TMC1: variants seen among roughly 807,000 people sequenced by gnomAD.
TMC1 encodes the protein transmembrane channel-like protein 1.
Under a neutral mutation model 105.8 loss-of-function variants are expected in TMC1, and 84 were observed. That is an observed-to-expected ratio of 0.79 (90% CI 0.67 to 0.95). TMC1 has a LOEUF of 0.95. TMC1 is among the 40% of genes least tolerant of loss of function. The probability of loss-of-function intolerance (pLI) is 0.00; values close to 1 mark genes in which losing one functional copy is unlikely to be tolerated. For missense variants in TMC1, 817 were observed against 914.1 expected, an observed-to-expected ratio of 0.89 and a Z score of 1.37; for synonymous variants, 315 against 311.5, an observed-to-expected ratio of 1.01 and a Z score of -0.12.
chr9:72,817,366 G>A (rs1250252281), intron 19 of TMC1: 1 of 152,012 alleles, frequency 6.6e-6, no homozygotes. Context: ...GACTCACTAA[G>A]GAAGGAAATG....
In TMC1 at chr9:72,836,106, C is replaced by A; in HGVS notation, c.*133C>A. 2.9e-6 allele frequency: 3 copies of A among 1,043,334 alleles called. No individual in the cohort carries two copies. Among genetic ancestry groups the A allele is most frequent in the Non-Finnish European group, 4.5e-6 (3 of 673,034 alleles). 64.6% of individuals were successfully genotyped at this position (1,043,334 alleles called of 1,614,324 possible). On this transcript the variant is annotated 3_prime_UTR_variant, in exon 24 of 24. Coordinates refer to ENST00000297784, the MANE Select transcript of TMC1 (RefSeq NM_138691.3). ...TCTACCCTTGATGGATTTTCAAGGT[C>A]ATGCTGGCCAATTAAGGCATCATCA...
chr9:72,534,551 T>C (rs1301302558), intron 1 of TMC1, among the ~76,000 whole-genome samples: 3 of 152,230 alleles, frequency 2.0e-5, no homozygotes, highest in Admixed American at 6.5e-5. Flanking sequence ...TTATATAACT[T>C]CTAAAATTTG....
intron 6 of TMC1, among the ~76,000 whole-genome samples, chr9:72,689,749 G>A (rs1369244027): frequency 6.6e-6 from 1 of 152,084 alleles, no homozygotes; most frequent in Non-Finnish European, 1.5e-5. Flanking sequence ...TCCGATGTAA[G>A]TATAGCCACC....
At chr9:72,703,781 G>C (rs558384386) in intron 8 of TMC1, among the ~76,000 whole-genome samples, 1 of 152,312 alleles carries the variant, frequency 6.6e-6, no homozygotes, top group East Asian at 1.9e-4. Context: ...CTTCTCACAT[G>C]TCAGCAAGGC....
intron 8 of TMC1, among the ~76,000 whole-genome samples, chr9:72,723,761 C>T (rs75928316): frequency 0.095 from 14,436 of 152,134 alleles, 828 homozygotes; most frequent in Non-Finnish European, 0.14. Context: ...GCTAAATATA[C>T]TTTTGTCTAC....
At chr9:72,768,271 A>T (rs1415574429) in intron 12 of TMC1, among the ~76,000 whole-genome samples, 1 of 151,960 alleles carries the variant, frequency 6.6e-6, no homozygotes, top group Non-Finnish European at 1.5e-5. Context: ...GGAGTTGAAC[A>T]ATGAGAACGC....
At position 72,811,090 on chromosome 9, in the gene TMC1, A is replaced by C. The variant is rs1213049389; in HGVS notation, c.1696-5053A>C. ...TGTAATGCATGTATTTAACATATGA[A>C]AAATTGCATCTGTGAATTGAAATGA... On this transcript the variant is annotated intron_variant, in intron 18 of 23. Coordinates refer to ENST00000297784, the MANE Select transcript of TMC1 (RefSeq NM_138691.3). 2.6e-5 allele frequency among the ~76,000 whole-genome samples: 4 copies of C among 152,176 alleles called. No homozygotes were observed. In the East Asian group the frequency reaches 7.7e-4, roughly 29 times the overall value.
chr9:72,523,456 G>A (rs1352961953), intron 1 of TMC1, among the ~76,000 whole-genome samples: 3 of 152,082 alleles, frequency 2.0e-5, no homozygotes, highest in Non-Finnish European at 2.9e-5. Flanking sequence ...CACATATTTT[G>A]TATGTTTTAT....
chr9:72,715,147 C>G (rs546365253), intron 8 of TMC1, among the ~76,000 whole-genome samples: 2 of 152,294 alleles, frequency 1.3e-5, no homozygotes, highest in South Asian at 2.1e-4. Context: ...GTCTGATGGG[C>G]TTCCCTTTGT....
intron 5 of TMC1, among the ~76,000 whole-genome samples, chr9:72,687,950 A>AAAT (rs1283462658): frequency 1.3e-5 from 2 of 152,164 alleles, no homozygotes; most frequent in African/African-American, 4.8e-5. Context: ...CAAAAGAAAA[A>AAAT]AATATGCCAA....
chr9:72,522,777 ACTGT>A (rs1412933803), intron 1 of TMC1, among the ~76,000 whole-genome samples: 1 of 152,222 alleles, frequency 6.6e-6, no homozygotes, highest in Non-Finnish European at 1.5e-5. Flanking sequence ...GGCACTGGAC[ACTGT>A]CTGTGGAGCT....
chr9:72,758,169 G>T (rs1367699822), intron 12 of TMC1, among the ~76,000 whole-genome samples: 1 of 151,910 alleles, frequency 6.6e-6, no homozygotes, highest in African/African-American at 2.4e-5. Context: ...TTTTGTTTTG[G>T]CAATGATTAT....
chr9:72,544,174 C>T (rs746683351), intron 1 of TMC1, among the ~76,000 whole-genome samples: 7 of 152,034 alleles, frequency 4.6e-5, no homozygotes, highest in Admixed American at 6.6e-5. Flanking sequence ...TGGTCTCGAA[C>T]AGCTGAGCTT....
At chr9:72,807,639 C>A (rs1481119617) in intron 18 of TMC1, among the ~76,000 whole-genome samples, 1 of 152,144 alleles carries the variant, frequency 6.6e-6, no homozygotes, top group African/African-American at 2.4e-5. Flanking sequence ...CCTTTGAATT[C>A]TACTAAACTC....
chr9:72,704,753 T>C (rs1289070706), intron 8 of TMC1, among the ~76,000 whole-genome samples: 1 of 152,186 alleles, frequency 6.6e-6, no homozygotes, highest in African/African-American at 2.4e-5. Context: ...ACCTACTGAA[T>C]GATAATCTCT....
chr9:72,754,983 T>C (rs531594428), intron 12 of TMC1, 99 bp downstream of exon 12: 34 of 855,056 alleles, frequency 4.0e-5, no homozygotes, highest in South Asian at 2.9e-4. Flanking sequence ...TCAGGCTGAA[T>C]GTCTTAAGAA....
At chr9:72,780,788 G>T (rs879921127) in intron 13 of TMC1, among the ~76,000 whole-genome samples, 15 of 152,264 alleles carry the variant, frequency 9.9e-5, no homozygotes, top group Admixed American at 1.3e-4. Context: ...AAATGTATAT[G>T]TACCCAACAC....
In TMC1 at chr9:72,711,597, C is replaced by A. The variant is rs149642267; in HGVS notation, c.362+10954C>A. 7.2e-3 allele frequency among the ~76,000 whole-genome samples: 1,092 copies of A among 152,236 alleles called. 16 individuals carry two copies. The highest frequency in any genetic ancestry group is 0.024 in the African/African-American group (1,013 of 41,536). Reference sequence around the variant, plus strand: ...GAGAAATGTCTGTTCATGTCCTTTGCCCACTTTTTGATGGGGTTGTTTGAT... The same window carrying A: ...GAGAAATGTCTGTTCATGTCCTTTGACCACTTTTTGATGGGGTTGTTTGAT... On this transcript the variant is annotated intron_variant, in intron 8 of 23. Transcript: ENST00000297784.
intron 8 of TMC1, among the ~76,000 whole-genome samples, chr9:72,739,310 A>C (rs1423099723): frequency 2.6e-5 from 4 of 152,012 alleles, no homozygotes; most frequent in Non-Finnish European, 1.5e-5. Context: ...TAAATACCCC[A>C]CCTCCAAATA....
Sources: allele counts gnomAD v4.1 joint callset (sites outside exome capture counted in the v4.1 genomes callset), GRCh38; gene constraint gnomAD v4.1.1; transcripts MANE v1.5; gene names NCBI Gene and HGNC (gene_info 2026-07-23, HGNC 2026-07-21).